PGAP4: variants seen among roughly 807,000 people sequenced by gnomAD.
PGAP4 encodes the protein post-GPI attachment to proteins GalNAc transferase 4.
Under a neutral mutation model 28.2 loss-of-function variants are expected in PGAP4, and 12 were observed. That is an observed-to-expected ratio of 0.42 (90% CI 0.27 to 0.69). The LOEUF (loss-of-function observed/expected upper bound fraction) is 0.69. Among genes scored for constraint, PGAP4 ranks in the 30% least tolerant of loss-of-function variants. PGAP4 has a pLI of 0.22. For missense variants in PGAP4, 425 were observed against 513.5 expected (o/e 0.83, Z 1.67); for synonymous variants, 205 against 211.8 (o/e 0.97, Z 0.28).
intron 1 of PGAP4, 62 bp from the exon 2 acceptor site, chr9:101,477,231 C>G (rs968839370): frequency 3.1e-6 from 4 of 1,304,732 alleles, no homozygotes; most frequent in Non-Finnish European, 4.0e-6. Flanking sequence ...AACAAACAAA[C>G]AAAAAAACAA....
chr9:101,492,219 A>G (rs1224635010), intron 2 of PGAP4, among the ~76,000 whole-genome samples: 1 of 151,332 alleles, frequency 6.6e-6, no homozygotes, highest in East Asian at 1.9e-4. Flanking sequence ...TTTGAGACGG[A>G]GTCTCGCTCT....
intron 1 of PGAP4, among the ~76,000 whole-genome samples, chr9:101,481,706 G>C (rs755017513): frequency 6.6e-6 from 1 of 152,174 alleles, no homozygotes; most frequent in Non-Finnish European, 1.5e-5. Context: ...TAAACTAAAG[G>C]ATCCACGGGT....
intron 2 of PGAP4, among the ~76,000 whole-genome samples, chr9:101,513,114 C>T (rs1031660686): frequency 2.0e-5 from 3 of 152,166 alleles, no homozygotes; most frequent in Admixed American, 6.5e-5. Flanking sequence ...AAAACTATTA[C>T]TTTACCAAAA....
intron 2 of PGAP4, among the ~76,000 whole-genome samples, chr9:101,510,236 C>G (rs1337519099): frequency 6.6e-6 from 1 of 152,130 alleles, no homozygotes; most frequent in Non-Finnish European, 1.5e-5. Flanking sequence ...GATATATGTC[C>G]TTAGCAACAG....
At chr9:101,492,438 C>T (rs984729340) in intron 2 of PGAP4, among the ~76,000 whole-genome samples, 11 of 152,088 alleles carry the variant, frequency 7.2e-5, no homozygotes, top group Middle Eastern at 3.2e-3. Context: ...GTGATCCGCC[C>T]GCCCGGCAGT....
chr9:101,510,395 T>TTA (rs1826886828), intron 2 of PGAP4, among the ~76,000 whole-genome samples: 2 of 152,228 alleles, frequency 1.3e-5, no homozygotes, highest in East Asian at 3.9e-4. Context: ...TTTTTTTTTC[T>TTA]TTTGAAAAAC....
chr9:101,501,238 A>G (rs1826795400), intron 2 of PGAP4, among the ~76,000 whole-genome samples: 2 of 152,046 alleles, frequency 1.3e-5, no homozygotes. Context: ...TCTTCTTTGC[A>G]TTTCCCAATC....
intron 2 of PGAP4, among the ~76,000 whole-genome samples, chr9:101,507,388 CTA>C (rs1475898878): frequency 6.6e-6 from 1 of 152,114 alleles, no homozygotes; most frequent in African/African-American, 2.4e-5. Context: ...CAACTGTCTC[CTA>C]ATAAAGTTAG....
intron 2 of PGAP4, among the ~76,000 whole-genome samples, chr9:101,519,324 A>AT (rs974517964): frequency 6.6e-6 from 1 of 151,926 alleles, no homozygotes; most frequent in Non-Finnish European, 1.5e-5. Context: ...TGCCCAGCTA[A>AT]TTTTTTTGTA....
At chr9:101,525,577 G>A (rs1827028503) in intron 2 of PGAP4, among the ~76,000 whole-genome samples, 1 of 151,542 alleles carries the variant, frequency 6.6e-6, no homozygotes, top group Non-Finnish European at 1.5e-5. Context: ...TGTGGTGACA[G>A]GTGCCTGTAA....
At chr9:101,484,491 T>A (rs568385348) in intron 1 of PGAP4, among the ~76,000 whole-genome samples, 91 of 152,282 alleles carry the variant, frequency 6.0e-4, no homozygotes, top group African/African-American at 2.0e-3. Context: ...CAGCCAAAAT[T>A]CGTGTTATAA....
At chr9:101,497,165 TATTTA>T (rs1401469104) in intron 2 of PGAP4, among the ~76,000 whole-genome samples, 1 of 151,206 alleles carries the variant, frequency 6.6e-6, no homozygotes. Flanking sequence ...GAATATCGAT[TATTTA>T]ATTTAACAGA....
At chr9:101,502,151 T>C (rs188853501) in intron 2 of PGAP4, among the ~76,000 whole-genome samples, 7 of 152,206 alleles carry the variant, frequency 4.6e-5, no homozygotes, top group Admixed American at 3.3e-4. Context: ...CAGATACATT[T>C]CAAATGGGTT....
At chr9:101,477,227 C>CAA in intron 1 of PGAP4, 58 bp from the exon 2 acceptor site, 1 of 1,334,270 alleles carries the variant, frequency 7.5e-7, no homozygotes, top group Non-Finnish European at 9.8e-7. Context: ...AACAAACAAA[C>CAA]AAACAAAAAA....
intron 2 of PGAP4, among the ~76,000 whole-genome samples, chr9:101,513,696 AG>A (rs1826918492): frequency 9.4e-6 from 1 of 106,406 alleles, no homozygotes; most frequent in Admixed American, 9.2e-5. Context: ...GTAGATAGAT[AG>A]ACAGATAGAT....
intron 1 of PGAP4, among the ~76,000 whole-genome samples, chr9:101,479,223 C>T (rs940263757): frequency 3.3e-5 from 5 of 152,246 alleles, no homozygotes; most frequent in Admixed American, 1.3e-4. Context: ...CGTGATTGAA[C>T]GTGGCCTCAC....
chr9:101,509,682 G>A (rs752549431), intron 2 of PGAP4, among the ~76,000 whole-genome samples: 58 of 152,260 alleles, frequency 3.8e-4, no homozygotes, highest in Non-Finnish European at 7.4e-4. Flanking sequence ...GCTGCAAAAT[G>A]ATAAGTTCAG....
Position 101,476,247 on chromosome 9 carries a change from C to G in PGAP4, c.846G>C (p.Arg282Ser), listed in dbSNP as rs748209653. ...AGCTAAACCCTGGGCGGCTGGCAAA[C>G]CTCATGTATATCCAGGTTAGTAAGG... is the stretch of plus-strand genomic sequence containing the variant. ...LGPLLTWIYM[R>S]FASRPGFSWP... The change falls in exon 2 of 2, where the codon AGG becomes AGC. Residue 282 changes from arginine to serine, a missense_variant. Physicochemically the swap from Arg to Ser is moderately radical, Grantham distance 110. Coordinates refer to ENST00000374848, the MANE Select transcript of PGAP4 (RefSeq NM_032342.3). The surrounding 1 kb of genome is among the most constrained non-coding windows in gnomAD (Gnocchi z 7.0). 6.2e-7 allele frequency: 1 copy of G among 1,614,082 alleles called. No individual in the cohort carries two copies. The highest frequency in any genetic ancestry group is 8.5e-7 in the Non-Finnish European group (1 of 1,180,014).
chr9:101,482,911 T>C (rs1826526808), intron 1 of PGAP4, among the ~76,000 whole-genome samples: 1 of 152,228 alleles, frequency 6.6e-6, no homozygotes, highest in Non-Finnish European at 1.5e-5. Flanking sequence ...GCTAGACCCT[T>C]GCATCTATTT....
Sources: gnomAD v4.1 joint callset for allele counts (sites outside exome capture counted in the v4.1 genomes callset) on GRCh38, gnomAD v4.1.1 for gene constraint, Gnocchi (gnomAD v3.1) non-coding constraint, MANE v1.5 for transcripts, NCBI Gene and HGNC (gene_info 2026-07-23, HGNC 2026-07-21) for gene names.